Variants in SPDEF observed in about 807,000 individuals in gnomAD.
SPDEF encodes SAM pointed domain containing ETS transcription factor.
In SPDEF, 12 loss-of-function variants were observed where a neutral mutation model predicts 36.0. The observed-to-expected ratio is 0.33, with a 90% CI of 0.21 to 0.54. The LOEUF (loss-of-function observed/expected upper bound fraction) is 0.54, where lower values mean the gene tolerates loss of function less well. Ranked by LOEUF, SPDEF falls within the 20% of genes least tolerant of loss-of-function variation. The pLI, the probability that SPDEF is intolerant of heterozygous loss-of-function variation, is 0.93. For synonymous variants in SPDEF, 205 were observed against 193.0 expected, an observed-to-expected ratio of 1.06 and a Z score of -0.51; for missense variants, 388 against 456.9, an observed-to-expected ratio of 0.85 and a Z score of 1.37.
intron 3 of SPDEF, 152 bp downstream of exon 3, chr6:34,540,832 C>T: frequency 1.4e-6 from 1 of 720,042 alleles, no homozygotes; most frequent in Non-Finnish European, 2.3e-6. Flanking sequence ...CACCAGGATC[C>T]AGGAGGCAGC....
Position 34,538,314 on chromosome 6 carries a change from A to T in SPDEF, c.968T>A (p.Ile323Asn). The change falls in exon 6 of 6, where the codon ATC (isoleucine) becomes AAC (asparagine). Residue 323 changes from isoleucine (I) to asparagine (N), a missense_variant. By Grantham distance (149) the Ile-to-Asn change is moderately radical (BLOSUM62 -3). Transcript: ENST00000374037. This position sits in a 1 kb window ranked among gnomAD's most constrained non-coding sequence, Gnocchi z 5.9. Reference protein sequence around the residue: ...YKKGIIRKPDISQRLVYQFVH... With the variant: ...YKKGIIRKPDNSQRLVYQFVH... ...GAACTGGTAGACGAGGCGCTGGGAG[A>T]TGTCTGGCTTCCGGATGATGCCCTT... 1 of 1,614,106 alleles carries T rather than the reference A, an allele frequency of 6.2e-7. No individual in the cohort carries two copies. Among genetic ancestry groups the T allele is most frequent in the Non-Finnish European group, 8.5e-7 (1 of 1,179,976 alleles).
chr6:34,549,660 C>T (rs143799411), intron 1 of SPDEF, among the ~76,000 whole-genome samples: 3 of 152,256 alleles, frequency 2.0e-5, no homozygotes, highest in African/African-American at 7.2e-5. Context: ...GCTCTCAGGC[C>T]CTACCTCCTG....
chr6:34,542,941 C>A (rs1306995428), intron 2 of SPDEF, among the ~76,000 whole-genome samples: 1 of 149,116 alleles, frequency 6.7e-6, no homozygotes, highest in African/African-American at 2.5e-5. Flanking sequence ...CGCTAGTAAT[C>A]CCAGCACTTT....
intron 1 of SPDEF, among the ~76,000 whole-genome samples, chr6:34,547,518 AT>A (rs1767979774): frequency 6.6e-6 from 1 of 152,072 alleles, no homozygotes; most frequent in Non-Finnish European, 1.5e-5. Flanking sequence ...GGTGTGTGCC[AT>A]CATGCCTGGC....
At chr6:34,554,390 A>G (rs1289527940) in intron 1 of SPDEF, among the ~76,000 whole-genome samples, 6 of 151,860 alleles carry the variant, frequency 4.0e-5, no homozygotes, top group African/African-American at 1.5e-4. Context: ...CTTGGTTGAC[A>G]GAGAAGCCCT....
chr6:34,542,704 C>A (rs1386114388), intron 2 of SPDEF, among the ~76,000 whole-genome samples: 2 of 151,980 alleles, frequency 1.3e-5, no homozygotes, highest in Non-Finnish European at 2.9e-5. Context: ...GCCTGGCCAA[C>A]ATGGTGAAAA....
Position 34,544,090 on chromosome 6 carries a change from C to T in SPDEF, c.366G>A (p.Val122=), listed in dbSNP as rs1767889230. ...LTLEEHSLEQ[V]QSMVVGEVLK... ...GCACTTCGCCCACCACCATGGACTG[C>T]ACCTGCTCCAGCGAGTGCTCCTCCA... is the stretch of plus-strand genomic sequence containing the variant. The change falls in exon 2 of 6, where the codon GTG becomes GTA. Residue 122 remains valine (V), a synonymous_variant. Coordinates refer to ENST00000374037, the MANE Select transcript of SPDEF (RefSeq NM_012391.3). This position sits in a 1 kb window ranked among gnomAD's most constrained non-coding sequence, Gnocchi z 4.4. The T allele has an allele frequency of 6.2e-7, 1 of 1,613,660 alleles. No individual in the cohort carries two copies. The highest frequency in any genetic ancestry group is 8.5e-7 in the Non-Finnish European group (1 of 1,179,870).
intron 1 of SPDEF, among the ~76,000 whole-genome samples, chr6:34,551,020 C>G (rs139598238): frequency 1.8e-3 from 280 of 152,348 alleles, no homozygotes; most frequent in African/African-American, 6.1e-3. Flanking sequence ...GCCGGGCCCT[C>G]CCAGCTGGGG....
At chr6:34,554,795 T>C (rs3798543) in intron 1 of SPDEF, among the ~76,000 whole-genome samples, 45,406 of 152,142 alleles carry the variant, frequency 0.3, 8,683 homozygotes, top group African/African-American at 0.54. Flanking sequence ...CCCACCAGCT[T>C]GGGCCTGGGG....
chr6:34,546,024 A>G (rs1181094411), intron 1 of SPDEF, among the ~76,000 whole-genome samples: 1 of 152,200 alleles, frequency 6.6e-6, no homozygotes. Flanking sequence ...GTTAGGGAGG[A>G]GGAAAGGAAC....
intron 1 of SPDEF, among the ~76,000 whole-genome samples, chr6:34,545,808 C>T (rs955606079): frequency 1.3e-5 from 2 of 151,904 alleles, no homozygotes; most frequent in Non-Finnish European, 2.9e-5. Context: ...CTCAGCTACT[C>T]GGGAGGCTGA....
In SPDEF at chr6:34,538,313, G is replaced by A; in HGVS notation, c.969C>T (p.Ile323=). 1 of 1,614,186 alleles carries A rather than the reference G, an allele frequency of 6.2e-7. No homozygotes were observed. The highest frequency in any genetic ancestry group is 8.5e-7 in the Non-Finnish European group (1 of 1,179,990). Reference sequence around the variant, plus strand: ...CGAACTGGTAGACGAGGCGCTGGGAGATGTCTGGCTTCCGGATGATGCCCT... The same window carrying A: ...CGAACTGGTAGACGAGGCGCTGGGAAATGTCTGGCTTCCGGATGATGCCCT... ...YKKGIIRKPD[I]SQRLVYQFVH... is the part of the protein sequence containing the mutation. The change falls in exon 6 of 6, where the codon ATC becomes ATT. Residue 323 remains isoleucine (I), a synonymous_variant. Coordinates refer to ENST00000374037, the MANE Select transcript of SPDEF (RefSeq NM_012391.3). This position sits in a 1 kb window ranked among gnomAD's most constrained non-coding sequence, Gnocchi z 5.9.
At position 34,539,662 on chromosome 6, in the gene SPDEF, G is replaced by A. The variant is rs1767777165; in HGVS notation, c.635-100C>T. On this transcript the variant is annotated intron_variant, in intron 3 of 5. Transcript: ENST00000374037. This position sits in a 1 kb window ranked among gnomAD's most constrained non-coding sequence, Gnocchi z 5.2. ...ACTGTGGGGCCACAGGAGCCCCTCT[G>A]TGGCTGGGGGTTGCCCCTGTGGCTC... is the stretch of plus-strand genomic sequence containing the variant. 1 of 1,381,766 alleles carries A rather than the reference G, an allele frequency of 7.2e-7. No homozygotes were observed. The highest frequency in any genetic ancestry group is 1.0e-6 in the Non-Finnish European group (1 of 995,716). The allele number at this position is 1,381,766 out of a possible 1,614,324, so 85.6% of individuals were successfully genotyped here.
chr6:34,539,156 T>G lies in SPDEF; in HGVS notation c.829+94A>C. 2.1e-6 allele frequency: 3 copies of G among 1,447,058 alleles called. No individual in the cohort carries two copies. Among genetic ancestry groups the G allele is most frequent in the Non-Finnish European group, 2.8e-6 (3 of 1,058,566 alleles). 89.6% of individuals were successfully genotyped at this position (1,447,058 alleles called of 1,614,324 possible). On this transcript the variant is annotated intron_variant, in intron 5 of 5. Coordinates refer to ENST00000374037, the MANE Select transcript of SPDEF (RefSeq NM_012391.3). This position sits in a 1 kb window ranked among gnomAD's most constrained non-coding sequence, Gnocchi z 5.2. ...AAGGTGGGGATCAGCTTCACCCCTC[T>G]GCCCGCCCCTGCCCCCATGCACCGT...
rs772178023 is a variant in SPDEF, at chr6:34,544,222, A to C, written c.234T>G (p.Pro78=). ...GTGGCTCCTCCCGACTGCTGGCCCC[A>C]GGGGCCTTGGCTGCCCAGCTGCTGT... ...PEDSSWAAKA[P]GASSREEPPE... Residue 78 remains proline, a synonymous_variant, in exon 2 of 6, where the codon CCT becomes CCG. Coordinates refer to ENST00000374037, the MANE Select transcript of SPDEF (RefSeq NM_012391.3). The surrounding 1 kb of genome is among the most constrained non-coding windows in gnomAD (Gnocchi z 4.4). 1 of 1,613,766 alleles carries C rather than the reference A, an allele frequency of 6.2e-7. No homozygotes were observed. Among genetic ancestry groups the C allele is most frequent in the South Asian group, 1.1e-5 (1 of 91,084 alleles).
intron 1 of SPDEF, among the ~76,000 whole-genome samples, chr6:34,545,004 C>T (rs75968641): frequency 0.011 from 1,705 of 152,284 alleles, 45 homozygotes; most frequent in East Asian, 0.096. Context: ...AGGGGAAAGA[C>T]GAGAGGAACA....
intron 1 of SPDEF, among the ~76,000 whole-genome samples, chr6:34,554,365 C>T (rs1768124178): frequency 6.6e-6 from 1 of 151,850 alleles, no homozygotes; most frequent in Non-Finnish European, 1.5e-5. Context: ...CTGAGTGCAG[C>T]CCTATTCCCT....
rs140880476 is a variant in SPDEF, at chr6:34,544,039, C to T, written c.417G>A (p.Lys139=). The T allele has an allele frequency of 1.2e-6, 2 of 1,611,850 alleles. No homozygotes were observed. Among genetic ancestry groups the T allele is most frequent in the South Asian group, 1.1e-5 (1 of 90,762 alleles). ...GCTCACCTGCGGTGATGTTGAGCAG[C>T]TTGCAGGCCGTCTCGATGTCCTTGA... ...EVLKDIETAC[K]LLNITADPMD... The change falls in exon 2 of 6, where the codon AAG becomes AAA. Residue 139 remains lysine (K), a synonymous_variant. Transcript: ENST00000374037. This position sits in a 1 kb window ranked among gnomAD's most constrained non-coding sequence, Gnocchi z 4.4.
rs74822633 is a variant in SPDEF, at chr6:34,555,632, G to A, written c.-30+297C>T. Among the ~76,000 whole-genome samples, 3,211 of 151,658 alleles carry A rather than the reference G, an allele frequency of 0.021. 53 individuals are homozygous for A. The highest frequency in any genetic ancestry group is 0.04 in the African/African-American group (1,648 of 41,326). ...AGGGGCCGGGGCTCTGCATCTGCAC[G>A]GCGGCCTCCCCTCAGGCTGGGCAGA... On this transcript the variant is annotated intron_variant, in intron 1 of 5. Coordinates refer to ENST00000374037, the MANE Select transcript of SPDEF (RefSeq NM_012391.3). The surrounding 1 kb of genome is among the most constrained non-coding windows in gnomAD (Gnocchi z 5.2).
Sources: allele counts gnomAD v4.1 joint callset (sites outside exome capture counted in the v4.1 genomes callset), GRCh38; gene constraint gnomAD v4.1.1; non-coding constraint Gnocchi (gnomAD v3.1); transcripts MANE v1.5; gene names NCBI Gene and HGNC (gene_info 2026-07-23, HGNC 2026-07-21).